Variants in ARK2C observed in about 807,000 individuals in gnomAD.
ARK2C encodes the protein arkadia (RNF111) C-terminal like ring finger ubiquitin ligase 2C.
chr18:46,424,905 A>T, the ARK2C span, among the ~76,000 whole-genome samples: 1 of 152,164 alleles, frequency 6.6e-6, no homozygotes, highest in African/African-American at 2.4e-5. Flanking sequence ...TGCTTTTCAA[A>T]AGGCTGGCTT....
chr18:46,451,407 A>C, the ARK2C span, among the ~76,000 whole-genome samples: 1 of 152,158 alleles, frequency 6.6e-6, no homozygotes, highest in Admixed American at 6.5e-5. Flanking sequence ...AAAATAAATG[A>C]AAATTTTGGA....
chr18:46,345,859 G>T, the ARK2C span, among the ~76,000 whole-genome samples: 1,063 of 152,280 alleles, frequency 7.0e-3, 8 homozygotes, highest in African/African-American at 0.024. Flanking sequence ...CCATCCAGGG[G>T]TGAGTGAGAG....
chr18:46,450,739 G>GA, the ARK2C span: 1 of 1,614,014 alleles, frequency 6.2e-7, no homozygotes, highest in Non-Finnish European at 8.5e-7. Context: ...TGGGTAATGT[G>GA]ACTCGGGGAG....
the ARK2C span, among the ~76,000 whole-genome samples, chr18:46,376,873 G>A: frequency 6.6e-6 from 1 of 152,062 alleles, no homozygotes; most frequent in Non-Finnish European, 1.5e-5. Flanking sequence ...GTTTCACCAT[G>A]TTGGCCAGGA....
chr18:46,356,034 G>A, the ARK2C span, among the ~76,000 whole-genome samples: 2 of 152,116 alleles, frequency 1.3e-5, no homozygotes, highest in Non-Finnish European at 2.9e-5. Flanking sequence ...CTCAGCCCTC[G>A]GCCAGGACGA....
the ARK2C span, among the ~76,000 whole-genome samples, chr18:46,404,474 C>G: frequency 1.3e-5 from 2 of 152,124 alleles, no homozygotes; most frequent in Non-Finnish European, 2.9e-5. Context: ...GAAGTACTGA[C>G]CAGGCGTGGT....
the ARK2C span, among the ~76,000 whole-genome samples, chr18:46,410,865 A>C: frequency 6.6e-6 from 1 of 152,152 alleles, no homozygotes; most frequent in African/African-American, 2.4e-5. Context: ...AACTCTACAC[A>C]TGCCTTTGTA....
chr18:46,443,873 C>G, the ARK2C span, among the ~76,000 whole-genome samples: 2 of 152,144 alleles, frequency 1.3e-5, no homozygotes, highest in African/African-American at 4.8e-5. Context: ...AGCTAAGTTT[C>G]TGTCTGGTGT....
At chr18:46,336,529 C>G in the ARK2C span, 18 of 985,274 alleles carry the variant, frequency 1.8e-5, no homozygotes, top group Non-Finnish European at 2.2e-5. Context: ...CATGACCTTC[C>G]GATAGAGGAT....
the ARK2C span, chr18:46,335,172 C>T: frequency 1.3e-5 from 2 of 152,354 alleles, no homozygotes; most frequent in Middle Eastern, 3.2e-3. Flanking sequence ...GCGTCCGGCC[C>T]TTGGGTGTTG....
the ARK2C span, among the ~76,000 whole-genome samples, chr18:46,342,583 G>A: frequency 5.3e-5 from 8 of 152,294 alleles, no homozygotes; most frequent in East Asian, 1.9e-4. Context: ...CTCAGATGCC[G>A]TCTCAGAGCA....
the ARK2C span, among the ~76,000 whole-genome samples, chr18:46,373,182 G>A: frequency 6.6e-6 from 1 of 152,244 alleles, no homozygotes; most frequent in African/African-American, 2.4e-5. Context: ...TCTAGGCCCT[G>A]CCAGGGTGTC....
chr18:46,448,234 A>G, the ARK2C span, among the ~76,000 whole-genome samples: 5 of 133,454 alleles, frequency 3.7e-5, no homozygotes, highest in Non-Finnish European at 8.0e-5. Context: ...GCTCCTCTGT[A>G]TATCAACACC....
At chr18:46,372,716 G>A in the ARK2C span, among the ~76,000 whole-genome samples, 1 of 152,182 alleles carries the variant, frequency 6.6e-6, no homozygotes, top group Non-Finnish European at 1.5e-5. Context: ...TGGCTAATAG[G>A]AACAAAAAGC....
chr18:46,334,160 G>A, the ARK2C span: 2 of 495,356 alleles, frequency 4.0e-6, no homozygotes, highest in Non-Finnish European at 2.6e-6. The surrounding 1 kb of genome is among the most constrained non-coding windows in gnomAD (Gnocchi z 4.4). Flanking sequence ...CCCGCGCTCC[G>A]CCTCCCGCCC....
chr18:46,441,428 A>T, the ARK2C span, among the ~76,000 whole-genome samples: 1 of 152,180 alleles, frequency 6.6e-6, no homozygotes. Flanking sequence ...ATTTAATTGG[A>T]TGTACTGGCA....
At chr18:46,394,881 G>C in the ARK2C span, among the ~76,000 whole-genome samples, 2 of 152,240 alleles carry the variant, frequency 1.3e-5, no homozygotes, top group Non-Finnish European at 2.9e-5. Flanking sequence ...TGCCCTGGTA[G>C]AGGATGCAGA....
chr18:46,370,434 C>T, the ARK2C span, among the ~76,000 whole-genome samples: 11 of 152,244 alleles, frequency 7.2e-5, no homozygotes, highest in Non-Finnish European at 1.6e-4. Context: ...TTCTCATGAG[C>T]TGAGGTGGAT....
chr18:46,403,212 G>C, the ARK2C span, among the ~76,000 whole-genome samples: 4 of 152,104 alleles, frequency 2.6e-5, no homozygotes, highest in Non-Finnish European at 5.9e-5. Flanking sequence ...CCAGAGTCTG[G>C]CACCTGGCAA....
Sources: allele counts gnomAD v4.1 joint callset (sites outside exome capture counted in the v4.1 genomes callset), GRCh38; gene constraint gnomAD v4.1.1; non-coding constraint Gnocchi (gnomAD v3.1); transcripts MANE v1.5; gene names NCBI Gene and HGNC (gene_info 2026-07-23, HGNC 2026-07-21).